The following NEDD4L variants were observed in gnomAD, a reference collection of about 807,000 sequenced individuals.
NEDD4L encodes NEDD4 like E3 ubiquitin protein ligase, also known as E3 ubiquitin-protein ligase NEDD4-like.
Under a neutral mutation model 148.9 loss-of-function variants are expected in NEDD4L, and 54 were observed. The observed-to-expected ratio is 0.36, with a 90% CI of 0.29 to 0.45. The LOEUF is 0.45. Ranked by LOEUF, NEDD4L falls within the 20% of genes least tolerant of loss-of-function variation. The pLI is 1.00. For missense variants in NEDD4L, 856 were observed against 1,233.8 expected, an observed-to-expected ratio of 0.69 and a Z score of 4.59; for synonymous variants, 433 against 440.7, an observed-to-expected ratio of 0.98 and a Z score of 0.22.
At chr18:58,365,316 G>C (rs1440402008) in intron 20 of NEDD4L, among the ~76,000 whole-genome samples, 1 of 152,092 alleles carries the variant, frequency 6.6e-6, no homozygotes, top group Non-Finnish European at 1.5e-5. Flanking sequence ...TCATCACCCA[G>C]TCTCACTCTA....
At chr18:58,220,565 G>A (rs557874922) in intron 2 of NEDD4L, among the ~76,000 whole-genome samples, 7 of 152,328 alleles carry the variant, frequency 4.6e-5, no homozygotes, top group African/African-American at 1.4e-4. Context: ...AAATCCCAGC[G>A]TTTGAACGCT....
rs1378194025 is a variant in NEDD4L at position 58,349,608 on chromosome 18, C to G, written c.1647C>G (p.Pro549=). ...KTSLNPNDLG[P]LPPGWEERIH... is the part of the protein sequence containing the mutation. ...CTTTAAACCCCAATGACCTTGGCCC[C>G]CTTCCTGTGAGTACACTGGAGACAC... The change falls in exon 17 of 31, where the codon CCC becomes CCG. Residue 549 remains proline, a synonymous_variant. Coordinates refer to ENST00000400345, the MANE Select transcript of NEDD4L (RefSeq NM_001144967.3). The G allele has an allele frequency of 7.4e-6, 12 of 1,613,340 alleles. No homozygotes were observed. The highest frequency in any genetic ancestry group is 8.5e-6 in the Non-Finnish European group (10 of 1,179,272).
At chr18:58,262,265 A>G (rs1284096371) in intron 5 of NEDD4L, among the ~76,000 whole-genome samples, 3 of 152,212 alleles carry the variant, frequency 2.0e-5, no homozygotes, top group Non-Finnish European at 4.4e-5. Context: ...AGATTTTTAG[A>G]AATAATCTTC....
intron 14 of NEDD4L, among the ~76,000 whole-genome samples, 175 bp from the exon 15 acceptor site, chr18:58,341,503 T>G (rs1317960256): frequency 6.6e-6 from 1 of 152,232 alleles, no homozygotes; most frequent in Non-Finnish European, 1.5e-5. Context: ...TTTATTTCCC[T>G]TGAATGTGTT....
chr18:58,315,274 A>G (rs977880762), intron 5 of NEDD4L, among the ~76,000 whole-genome samples: 1 of 152,138 alleles, frequency 6.6e-6, no homozygotes, highest in African/African-American at 2.4e-5. Context: ...GAGCTGAATC[A>G]TGACTTCCCA....
At chr18:58,320,961 C>T (rs1459822301) in intron 6 of NEDD4L, among the ~76,000 whole-genome samples, 3 of 152,124 alleles carry the variant, frequency 2.0e-5, no homozygotes, top group Non-Finnish European at 4.4e-5. Context: ...TTATTACTGC[C>T]TCATAAGAAC....
chr18:58,248,594 A>G (rs1182031832), intron 3 of NEDD4L, among the ~76,000 whole-genome samples: 3 of 152,198 alleles, frequency 2.0e-5, no homozygotes, highest in Non-Finnish European at 4.4e-5. Context: ...TAGAATAATC[A>G]TATCAATGCT....
intron 5 of NEDD4L, among the ~76,000 whole-genome samples, chr18:58,303,749 A>T (rs929776495): frequency 5.9e-5 from 9 of 152,238 alleles, no homozygotes; most frequent in African/African-American, 2.2e-4. Context: ...GGTAGAGATT[A>T]GCCACTAAGA....
At chr18:58,143,782 GCTGTC>G (rs2033809966) in intron 1 of NEDD4L, among the ~76,000 whole-genome samples, 1 of 152,170 alleles carries the variant, frequency 6.6e-6, no homozygotes, top group Non-Finnish European at 1.5e-5. Flanking sequence ...ACAGCCCACA[GCTGTC>G]GAAGGAAGGG....
chr18:58,329,174 C>T, intron 10 of NEDD4L, 47 bp downstream of exon 10: 1 of 1,591,554 alleles, frequency 6.3e-7, no homozygotes, highest in Non-Finnish European at 8.6e-7. Context: ...TCCTTCTTCC[C>T]ATGTTCTCCA....
intron 2 of NEDD4L, among the ~76,000 whole-genome samples, chr18:58,225,322 C>G (rs2044233073): frequency 6.6e-6 from 1 of 152,160 alleles, no homozygotes; most frequent in African/African-American, 2.4e-5. Context: ...TTAGCAATAA[C>G]CAGGTTAGGG....
intron 25 of NEDD4L, 83 bp downstream of exon 25, chr18:58,383,402 G>GCC: frequency 1.3e-6 from 1 of 779,232 alleles, no homozygotes; most frequent in Non-Finnish European, 2.2e-6. Flanking sequence ...AACAGCTCAT[G>GCC]CATTTATTAT....
At chr18:58,058,933 A>T (rs1044694952) in intron 1 of NEDD4L, among the ~76,000 whole-genome samples, 2 of 152,216 alleles carry the variant, frequency 1.3e-5, no homozygotes, top group African/African-American at 4.8e-5. Context: ...CTCCAGTCCC[A>T]AGCACCGAAT....
chr18:58,198,403 C>G (rs552272347), intron 2 of NEDD4L, among the ~76,000 whole-genome samples: 1 of 152,286 alleles, frequency 6.6e-6, no homozygotes, highest in African/African-American at 2.4e-5. Context: ...AAGCGTTTAT[C>G]AGGTATGTCC....
rs137934001 is a variant in NEDD4L at position 58,074,255 on chromosome 18, T to C, written c.48+29547T>C. ...TTTTGCTCTTATCCTCCCAAAATCA[T>C]GCTAAGATTTTTTTTTTTTTTTTAA... On this transcript the variant is annotated intron_variant, in intron 1 of 30. Coordinates refer to ENST00000400345, the MANE Select transcript of NEDD4L (RefSeq NM_001144967.3). Among the ~76,000 whole-genome samples, 71 of 151,016 alleles carry C rather than the reference T, an allele frequency of 4.7e-4. 1 individual carries two copies. Among genetic ancestry groups the C allele is most frequent in the African/African-American group, 1.7e-3 (68 of 40,706 alleles).
intron 30 of NEDD4L, among the ~76,000 whole-genome samples, chr18:58,395,496 C>T (rs759688871): frequency 6.6e-6 from 1 of 152,160 alleles, no homozygotes; most frequent in Non-Finnish European, 1.5e-5. Flanking sequence ...CCCCCGCCCC[C>T]ACCTGAAGCC....
At chr18:58,358,494 T>C (rs997467674) in intron 19 of NEDD4L, among the ~76,000 whole-genome samples, 5 of 152,204 alleles carry the variant, frequency 3.3e-5, no homozygotes, top group African/African-American at 1.2e-4. Flanking sequence ...TTGACATAAC[T>C]TTGAAGCCTT....
intron 2 of NEDD4L, among the ~76,000 whole-genome samples, chr18:58,242,649 T>C (rs1936004074): frequency 6.6e-6 from 1 of 152,116 alleles, no homozygotes; most frequent in Admixed American, 6.5e-5. Flanking sequence ...TACAGGTGCA[T>C]GCCACCACAC....
rs567229100 is a variant in NEDD4L at position 58,133,654 on chromosome 18, G to T, written c.49-32134G>T. The stretch of plus-strand genomic sequence containing the variant: ...AGCAAACATATCATTTCCCCTCCAT[G>T]CTTGCTAGACTGGCTTATGCACACA... On this transcript the variant is annotated intron_variant, in intron 1 of 30. Transcript: ENST00000400345. 2.0e-5 allele frequency among the ~76,000 whole-genome samples: 3 copies of T among 152,178 alleles called. No individual in the cohort carries two copies. In the South Asian group the frequency reaches 6.2e-4, roughly 32 times the overall value.
Sources: allele counts gnomAD v4.1 joint callset (sites outside exome capture counted in the v4.1 genomes callset), GRCh38; gene constraint gnomAD v4.1.1; transcripts MANE v1.5; gene names NCBI Gene and HGNC (gene_info 2026-07-23, HGNC 2026-07-21).